Variants in NUDT22 observed in about 807,000 individuals in gnomAD.
NUDT22 encodes the protein nudix hydrolase 22, also known as uridine diphosphate glucose pyrophosphatase NUDT22.
A neutral mutation model predicts 28.8 loss-of-function variants in NUDT22; 23 were observed. That is an observed-to-expected ratio of 0.80 (90% confidence interval 0.58 to 1.13). NUDT22 has a LOEUF of 1.13. NUDT22 is among the 50% of genes most tolerant of loss of function. NUDT22 has a pLI of 0.00. For synonymous variants in NUDT22, 175 were observed against 173.7 expected, an observed-to-expected ratio of 1.01 and a Z score of -0.06; for missense variants, 358 against 387.3, an observed-to-expected ratio of 0.92 and a Z score of 0.64.
In NUDT22 at chr11:64,227,072, C is replaced by T. The variant is rs1947049143; in HGVS notation, c.420C>T (p.Ser140=). The T allele has an allele frequency of 1.2e-6, 2 of 1,601,144 alleles. No homozygotes were observed. Among genetic ancestry groups the T allele is most frequent in the African/African-American group, 2.7e-5 (2 of 74,932 alleles). ...ADDFLVFLRR[S]RQVAEAPGLV... is the part of the protein sequence containing the mutation. The stretch of plus-strand genomic sequence containing the variant: ...ACTTCCTTGTCTTCCTGCGCCGCTC[C>T]CGGCAGGTGGCTGAGGCCCCTGGGC... Residue 140 remains serine (S), a synonymous_variant, in exon 2 of 6, where the codon TCC becomes TCT. Transcript: ENST00000279206.
downstream of NUDT22, chr11:64,230,267 C>T (rs1316597539): frequency 1.6e-6 from 1 of 618,992 alleles, no homozygotes; most frequent in South Asian, 1.5e-5. Context: ...GGTGGCCGGG[C>T]CGAAAACGTC....
rs747670570 is a variant in NUDT22, at chr11:64,229,258, GCTGCTCACCCTGAGCCAGCCC to G, written c.597_617del (p.Thr200_Leu206del). On this transcript the variant is annotated inframe_deletion, in exon 4 of 6. Coordinates refer to ENST00000279206, the MANE Select transcript of NUDT22 (RefSeq NM_032344.4). ...ACCCTCCACCGCAGGTGAACCTGCC[GCTGCTCACCCTGAGCCAGCCC>G]CTGCTGTTGGGCATCGCCCGAAATG... The G allele has an allele frequency of 1.9e-6, 3 of 1,578,792 alleles. No homozygotes were observed. The highest frequency in any genetic ancestry group is 2.6e-6 in the Non-Finnish European group (3 of 1,161,694).
At chr11:64,230,268 C>G (rs922653731), downstream of NUDT22, 16 of 617,450 alleles carry the variant, frequency 2.6e-5, no homozygotes, top group East Asian at 3.4e-4. Context: ...GTGGCCGGGC[C>G]GAAAACGTCA....
Position 64,229,931 on chromosome 11 carries a change from G to C in NUDT22, c.853G>C (p.Val285Leu), listed in dbSNP as rs762605366. ...AGGCGCCATCATCCTCTACAACCGG[G>C]TTCAGGGAAGTCCCACTGGAGCGGC... is the stretch of plus-strand genomic sequence containing the variant. ...AKGAIILYNR[V>L]QGSPTGAALG... is the part of the protein sequence containing the mutation. The change falls in exon 6 of 6, where the codon GTT becomes CTT. Residue 285 changes from valine (V) to leucine (L), a missense_variant. Coordinates refer to ENST00000279206, the MANE Select transcript of NUDT22 (RefSeq NM_032344.4). 6.2e-7 allele frequency: 1 copy of C among 1,613,132 alleles called. No homozygotes were observed. Among genetic ancestry groups the C allele is most frequent in the African/African-American group, 1.3e-5 (1 of 74,928 alleles).
intron 5 of NUDT22, 26 bp downstream of exon 5, chr11:64,229,597 T>G: frequency 6.2e-7 from 1 of 1,604,742 alleles, no homozygotes; most frequent in Non-Finnish European, 8.5e-7. Flanking sequence ...CCATCTTGCT[T>G]GGAGGCCAGG....
In NUDT22 at chr11:64,226,795, G is replaced by C; in HGVS notation, c.143G>C (p.Arg48Pro). ...GCCATCACTGCCATCTGGGAGACCC[G>C]GCTAAAGGCCCAACCCTGGCTCTTC... ...DEAITAIWETRLKAQPWLFDA... is the reference protein window; with the variant it reads ...DEAITAIWETPLKAQPWLFDA... Residue 48 changes from arginine to proline, a missense_variant, in exon 2 of 6, where the codon CGG (arginine) becomes CCG (proline). Coordinates refer to ENST00000279206, the MANE Select transcript of NUDT22 (RefSeq NM_032344.4). The C allele has an allele frequency of 1.2e-6, 2 of 1,610,404 alleles. No individual in the cohort carries two copies. Among genetic ancestry groups the C allele is most frequent in the Non-Finnish European group, 1.7e-6 (2 of 1,179,942 alleles).
intron 2 of NUDT22, 105 bp downstream of exon 2, chr11:64,227,237 A>C (rs1426380960): frequency 2.9e-6 from 4 of 1,387,774 alleles, no homozygotes; most frequent in Non-Finnish European, 4.0e-6. Flanking sequence ...TTAAAGGGAA[A>C]ATTGGCCTGG....
chr11:64,230,131 C>A (rs1466178123), downstream of NUDT22: 1 of 978,780 alleles, frequency 1.0e-6, no homozygotes, highest in Non-Finnish European at 1.6e-6. Context: ...CCTGTGTCCC[C>A]CTCTGCAAGC....
At chr11:64,228,663 CA>C (rs150514489) in intron 3 of NUDT22, 17,956 of 149,470 alleles carry the variant, frequency 0.12, 2,807 homozygotes, top group African/African-American at 0.36. Context: ...GACTCCGTCT[CA>C]AAAAAAAGAA....
chr11:64,226,709 G>A lies in NUDT22; in HGVS notation c.57G>A (p.Glu19=), dbSNP rs770735818. 6.0e-5 allele frequency: 97 copies of A among 1,610,128 alleles called. No homozygotes were observed. The highest frequency in any genetic ancestry group is 7.8e-5 in the Non-Finnish European group (92 of 1,179,562). ...LQCPGGGLPQ[E]QIQAELSPAH... is the part of the protein sequence containing the mutation. The stretch of plus-strand genomic sequence containing the variant: ...GCCCTGGCGGGGGCCTGCCCCAGGA[G>A]CAGATACAGGCCGAGCTGAGCCCCG... Residue 19 remains glutamate (E), a synonymous_variant, in exon 2 of 6, where the codon GAG becomes GAA. Coordinates refer to ENST00000279206, the MANE Select transcript of NUDT22 (RefSeq NM_032344.4).
chr11:64,230,130 C>A, downstream of NUDT22: 1 of 993,182 alleles, frequency 1.0e-6, no homozygotes, highest in Non-Finnish European at 1.5e-6. Context: ...GCCTGTGTCC[C>A]CCTCTGCAAG....
At chr11:64,227,793 C>G in intron 3 of NUDT22, 127 bp downstream of exon 3, 1 of 700,472 alleles carries the variant, frequency 1.4e-6, no homozygotes, top group Non-Finnish European at 2.5e-6. Flanking sequence ...AAGAAGTTGG[C>G]TTTGCAGCTA....
intron 4 of NUDT22, 36 bp downstream of exon 4, chr11:64,229,380 G>A (rs549252065): frequency 5.6e-6 from 9 of 1,611,252 alleles, no homozygotes; most frequent in African/African-American, 1.3e-5. Flanking sequence ...TGGGTCTTGG[G>A]AAGGTGGGTG....
downstream of NUDT22, chr11:64,230,167 T>C: frequency 1.3e-6 from 1 of 785,800 alleles, no homozygotes; most frequent in Non-Finnish European, 2.2e-6. Flanking sequence ...TGCCTCCCTT[T>C]CTTTGCTGGC....
chr11:64,227,759 C>A, intron 3 of NUDT22, 93 bp downstream of exon 3: 1 of 999,066 alleles, frequency 1.0e-6, no homozygotes, highest in South Asian at 1.3e-5. Context: ...AGGAGGCCTG[C>A]AGGCATCTGG....
rs1313151792 is a variant in NUDT22 at position 64,226,287 on chromosome 11, C to T, written c.-159C>T. 3 of 784,104 alleles carry T rather than the reference C, an allele frequency of 3.8e-6. No individual in the cohort carries two copies. Among genetic ancestry groups the T allele is most frequent in the East Asian group, 4.5e-5 (1 of 22,112 alleles). The allele number at this position is 784,104 out of a possible 1,614,324, so 48.6% of individuals were successfully genotyped here. A position where few individuals can be genotyped will look rare whatever the true frequency, so the allele number is the denominator to read the frequency against. On this transcript the variant is annotated 5_prime_UTR_variant, in exon 1 of 6. Transcript: ENST00000279206. ...CGGGGAAGGGGCGGAGCCTGAGGGA[C>T]CCGGCGGCTGGTGAGCGCCCGCTGG...
intron 2 of NUDT22, 121 bp from the exon 3 acceptor site, chr11:64,227,447 C>A: frequency 1.2e-6 from 1 of 810,126 alleles, no homozygotes; most frequent in Non-Finnish European, 2.1e-6. Context: ...GACTCAGGAT[C>A]ACTAACTCTC....
At chr11:64,227,739 C>T in intron 3 of NUDT22, 73 bp downstream of exon 3, 1 of 1,299,010 alleles carries the variant, frequency 7.7e-7, no homozygotes, top group East Asian at 2.3e-5. Flanking sequence ...TTCTACAGGT[C>T]TGGGCTGGCA....
intron 4 of NUDT22, 21 bp downstream of exon 4, chr11:64,229,365 G>A (rs760347793): frequency 1.2e-6 from 2 of 1,612,544 alleles, no homozygotes; most frequent in Non-Finnish European, 1.7e-6. Context: ...TCGGGTACAT[G>A]ATCCTGGGTC....
Sources: allele counts gnomAD v4.1 joint callset, GRCh38; gene constraint gnomAD v4.1.1; transcripts MANE v1.5; gene names NCBI Gene and HGNC (gene_info 2026-07-23, HGNC 2026-07-21).